The following NR2C1 variants were observed in gnomAD, a reference collection of about 807,000 sequenced individuals.
NR2C1 encodes the protein TR2 nuclear hormone receptor.
Under a neutral mutation model 74.8 loss-of-function variants are expected in NR2C1, and 33 were observed. The ratio of observed to expected loss-of-function variants is 0.44; its 90% CI spans 0.33 to 0.59. NR2C1 has a LOEUF of 0.59. NR2C1 is among the 20% of genes least tolerant of loss of function. NR2C1 has a pLI of 0.02. For synonymous variants in NR2C1, 225 were observed against 240.6 expected, an observed-to-expected ratio of 0.94 and a Z score of 0.60; for missense variants, 568 against 715.6, an observed-to-expected ratio of 0.79 and a Z score of 2.35.
At chr12:95,060,055 T>TA in intron 3 of NR2C1, 71 bp from the exon 4 acceptor site, 3 of 1,196,764 alleles carry the variant, frequency 2.5e-6, no homozygotes, top group Non-Finnish European at 2.3e-6. Context: ...CTCATTCTAT[T>TA]AAAAAAATTA....
At position 95,057,600 on chromosome 12, in the gene NR2C1, G is replaced by A. The variant is rs1401136576; in HGVS notation, c.736C>T (p.Pro246Ser). 2 of 1,613,842 alleles carry A rather than the reference G, an allele frequency of 1.2e-6. No individual in the cohort carries two copies. The highest frequency in any genetic ancestry group is 1.7e-6 in the Non-Finnish European group (2 of 1,179,918). Residue 246 changes from proline to serine, a missense_variant, in exon 7 of 14, where the codon CCA becomes TCA. By Grantham distance (74) the Pro-to-Ser change is moderately conservative. Around this residue, in one of 6 missense-constraint regions of NR2C1, gnomAD observed 239 missense variants for 232.3 expected, o/e 1.03. Coordinates refer to ENST00000333003, the MANE Select transcript of NR2C1 (RefSeq NM_003297.4). ...GCTGACTCAGTTTTTACTCCAGATGGATGAATATTCATGAACATTCCTGAA... is the reference window on the plus strand; with the variant it reads ...GCTGACTCAGTTTTTACTCCAGATGAATGAATATTCATGAACATTCCTGAA... ...LDSGMFMNIHPSGVKTESAVL... is the reference protein window; with the variant it reads ...LDSGMFMNIHSSGVKTESAVL...
intron 12 of NR2C1, 80 bp from the exon 13 acceptor site, chr12:95,025,335 G>T: frequency 2.7e-6 from 2 of 737,704 alleles, no homozygotes; most frequent in Non-Finnish European, 2.2e-6. Flanking sequence ...GAGACAGAAA[G>T]AATAGTCAAA....
At chr12:95,031,542 TA>T (rs1265317161) in intron 10 of NR2C1, 54 bp from the exon 11 acceptor site, 3 of 1,410,748 alleles carry the variant, frequency 2.1e-6, no homozygotes, top group Non-Finnish European at 2.9e-6. Context: ...ATAAGTTTTA[TA>T]AACCTTACAG....
chr12:95,066,983 CCTA>C (rs1425678631), intron 2 of NR2C1: 1 of 279,752 alleles, frequency 3.6e-6, no homozygotes, highest in African/African-American at 2.3e-5. Flanking sequence ...ATGCTGAACT[CCTA>C]CTGATCCCAC....
rs543602931 is a variant in NR2C1, at chr12:95,032,147, C to T, written c.1254-659G>A. The stretch of plus-strand genomic sequence containing the variant: ...CCTCCCAAAGTGTTGGGATTACAGG[C>T]GTGAGCCACTGCTCCCAGCCTCTAG... On this transcript the variant is annotated intron_variant, in intron 10 of 13. Coordinates refer to ENST00000333003, the MANE Select transcript of NR2C1 (RefSeq NM_003297.4). Among the ~76,000 whole-genome samples, 13 of 152,310 alleles carry T rather than the reference C, an allele frequency of 8.5e-5. No individual in the cohort carries two copies. The South Asian group carries it at 1.4e-3, about 17-fold the overall frequency.
chr12:95,052,291 G>T (rs539591758), intron 7 of NR2C1, among the ~76,000 whole-genome samples: 1 of 151,566 alleles, frequency 6.6e-6, no homozygotes, highest in African/African-American at 2.4e-5. Context: ...AAGTAGCTGG[G>T]ATTACAGGCA....
intron 1 of NR2C1, among the ~76,000 whole-genome samples, chr12:95,072,455 CAAAAAAA>C (rs570185714): frequency 1.0e-4 from 6 of 60,278 alleles, no homozygotes; most frequent in East Asian, 1.1e-3. Flanking sequence ...CTCTCCCTCT[CAAAAAAA>C]AAAAAAAAAA....
intron 8 of NR2C1, among the ~76,000 whole-genome samples, chr12:95,050,760 G>A (rs143586986): frequency 1.4e-3 from 217 of 151,922 alleles, no homozygotes; most frequent in African/African-American, 5.0e-3. Context: ...AATGATAAAC[G>A]CAGTGTAGGA....
intron 2 of NR2C1, among the ~76,000 whole-genome samples, chr12:95,063,686 AG>A (rs1222637483): frequency 4.6e-5 from 7 of 150,722 alleles, no homozygotes; most frequent in African/African-American, 1.2e-4. Context: ...AAAAAAAAAA[AG>A]AAGTATAAAA....
rs945319930 is a variant in NR2C1, at chr12:95,045,609, A to T, written c.1131+3459T>A. Among the ~76,000 whole-genome samples, 10 of 152,308 alleles carry T rather than the reference A, an allele frequency of 6.6e-5. No individual in the cohort carries two copies. The East Asian group carries it at 1.9e-3, about 29-fold the overall frequency. On this transcript the variant is annotated intron_variant, in intron 9 of 13. Transcript: ENST00000333003. Reference sequence around the variant, plus strand: ...AGGCTTAGGGAGAGTAACTGCCTCTAAAGTTGCAAACATGGGCGACCAGAA... The same window carrying T: ...AGGCTTAGGGAGAGTAACTGCCTCTTAAGTTGCAAACATGGGCGACCAGAA...
Position 95,025,201 on chromosome 12 carries a change from T to C in NR2C1, c.1586A>G (p.Tyr529Cys). ...EQIEKFQEKAYVEFQDYITKT... is the reference protein window; with the variant it reads ...EQIEKFQEKACVEFQDYITKT... ...GGTTATATAATCTTGGAATTCCACA[T>C]AAGCCTTTTCCTGAAATTTCTCTAT... The change falls in exon 13 of 14, where the codon TAT (tyrosine) becomes TGT (cysteine). Residue 529 changes from tyrosine (Y) to cysteine (C), a missense_variant. Tyr to Cys is a radical substitution (Grantham distance 194). This residue lies in a region of NR2C1 where 117 missense variants were observed against 186.7 expected (regional missense o/e 0.63). Transcript: ENST00000333003. 1 of 1,608,102 alleles carries C rather than the reference T, an allele frequency of 6.2e-7. No individual in the cohort carries two copies. The highest frequency in any genetic ancestry group is 1.1e-5 in the South Asian group (1 of 90,584).
Position 95,049,142 on chromosome 12 carries a change from T to C in NR2C1, c.1057A>G (p.Ile353Val). 6.2e-7 allele frequency: 1 copy of C among 1,613,978 alleles called. No homozygotes were observed. The highest frequency in any genetic ancestry group is 8.5e-7 in the Non-Finnish European group (1 of 1,179,862). The change falls in exon 9 of 14, where the codon ATC (isoleucine) becomes GTC (valine). Residue 353 changes from isoleucine (I) to valine (V), a missense_variant. Physicochemically the swap from Ile to Val is conservative, Grantham distance 29. Coordinates refer to ENST00000333003, the MANE Select transcript of NR2C1 (RefSeq NM_003297.4). ...VAGMEGSVHLITGDSSINYTE... is the reference protein window; with the variant it reads ...VAGMEGSVHLVTGDSSINYTE... ...TAATTTATGCTTGAATCTCCAGTGA[T>C]TAGGTGTACACTTCCTTCCATGCCC... is the stretch of plus-strand genomic sequence containing the variant.
intron 9 of NR2C1, among the ~76,000 whole-genome samples, chr12:95,048,749 C>T (rs1044895524): frequency 6.6e-6 from 1 of 151,824 alleles, no homozygotes; most frequent in Non-Finnish European, 1.5e-5. Flanking sequence ...CTCAGCCTCC[C>T]GAGTAGCTGG....
intron 2 of NR2C1, among the ~76,000 whole-genome samples, chr12:95,063,395 AG>A (rs1875092841): frequency 6.6e-6 from 1 of 152,200 alleles, no homozygotes; most frequent in Non-Finnish European, 1.5e-5. Flanking sequence ...GTAAGACAGA[AG>A]GGAAGACAGG....
At chr12:95,057,686 A>G (rs770644618) in intron 6 of NR2C1, 43 bp from the exon 7 acceptor site, 1 of 1,612,730 alleles carries the variant, frequency 6.2e-7, no homozygotes, top group South Asian at 1.1e-5. Context: ...TTTCATTGGG[A>G]AGAAAAACAA....
At chr12:95,058,060 ACAAAC>A in intron 5 of NR2C1, 182 bp from the exon 6 acceptor site, 1 of 691,578 alleles carries the variant, frequency 1.4e-6, no homozygotes, top group African/African-American at 1.8e-5. Flanking sequence ...GATTAGTAAA[ACAAAC>A]CAATTTGCAT....
At chr12:95,054,418 T>C (rs543215704) in intron 7 of NR2C1, among the ~76,000 whole-genome samples, 1 of 152,106 alleles carries the variant, frequency 6.6e-6, no homozygotes, top group South Asian at 2.1e-4. Flanking sequence ...AGTAATCCTC[T>C]GCCTCAGCCT....
At chr12:95,051,005 T>TC (rs1872928115) in intron 8 of NR2C1, among the ~76,000 whole-genome samples, 2 of 152,290 alleles carry the variant, frequency 1.3e-5, no homozygotes, top group South Asian at 4.1e-4. Context: ...ATTCCTAGGT[T>TC]TTAAGACCAC....
chr12:95,059,986 T>TAAAAAAAAAAA lies in NR2C1; in HGVS notation c.286-13_286-3dup, dbSNP rs79760875. 301 of 1,074,344 alleles carry TAAAAAAAAAAA rather than the reference T, an allele frequency of 2.8e-4. No individual in the cohort carries two copies. The highest frequency in any genetic ancestry group is 1.3e-3 in the South Asian group (67 of 52,274). The allele number at this position is 1,074,344 out of a possible 1,614,324, so 66.6% of individuals were successfully genotyped here. ...GTCTGGAGAATTATCTGTTAGGAGC[T>TAAAAAAAAAAA]AAAAAAAAAAAAAAAAAAAAAGAAA... is the stretch of plus-strand genomic sequence containing the variant. On this transcript the variant is annotated splice_region_variant and splice_polypyrimidine_tract_variant and intron_variant, in intron 3 of 13. Coordinates refer to ENST00000333003, the MANE Select transcript of NR2C1 (RefSeq NM_003297.4).
Sources: gnomAD v4.1 joint callset for allele counts (sites outside exome capture counted in the v4.1 genomes callset) on GRCh38, gnomAD v4.1.1 for gene constraint, gnomAD v4.1.1 regional missense constraint, MANE v1.5 for transcripts, NCBI Gene and HGNC (gene_info 2026-07-23, HGNC 2026-07-21) for gene names.